The following AVEN variants were observed in gnomAD, a reference collection of about 807,000 sequenced individuals.
AVEN encodes the protein apoptosis and caspase activation inhibitor.
Under a neutral mutation model 38.1 loss-of-function variants are expected in AVEN, and 41 were observed. The observed-to-expected ratio is 1.08, with a 90% CI of 0.84 to 1.40. The LOEUF is 1.40. Ranked by LOEUF, AVEN falls within the 40% of genes most tolerant of loss-of-function variation. The pLI, the probability that AVEN is intolerant of heterozygous loss-of-function variation, is 0.00. For missense variants in AVEN, 605 were observed against 438.8 expected, an observed-to-expected ratio of 1.38 and a Z score of -3.38; for synonymous variants, 206 against 171.8, an observed-to-expected ratio of 1.20 and a Z score of -1.56.
intron 2 of AVEN, among the ~76,000 whole-genome samples, chr15:33,896,210 T>G (rs1187304204): frequency 6.6e-6 from 1 of 152,162 alleles, no homozygotes; most frequent in East Asian, 1.9e-4. Flanking sequence ...CATCAAAAAT[T>G]ACATGGCATG....
chr15:33,973,747 T>A (rs958752064), intron 2 of AVEN, among the ~76,000 whole-genome samples: 16 of 152,000 alleles, frequency 1.1e-4, no homozygotes, highest in African/African-American at 3.9e-4. Context: ...GAAATTGCAT[T>A]TTTCATGGTT....
chr15:33,942,754 GT>G (rs1567426111), intron 2 of AVEN, among the ~76,000 whole-genome samples: 1 of 151,956 alleles, frequency 6.6e-6, no homozygotes, highest in Admixed American at 6.6e-5. Context: ...CCCAGCCAAA[GT>G]TTTTTTATCT....
At chr15:33,993,761 G>T (rs1436901465) in intron 2 of AVEN, among the ~76,000 whole-genome samples, 1 of 152,118 alleles carries the variant, frequency 6.6e-6, no homozygotes, top group East Asian at 1.9e-4. Flanking sequence ...CACTAGAGGT[G>T]ACCGCAATCA....
intron 2 of AVEN, among the ~76,000 whole-genome samples, chr15:33,914,669 C>T (rs530793345): frequency 1.9e-4 from 29 of 150,814 alleles, no homozygotes; most frequent in African/African-American, 7.1e-4. Flanking sequence ...AGGTTCTCAT[C>T]ATGAAAGGGA....
At chr15:33,862,391 G>C (rs770221656), downstream of AVEN, among the ~76,000 whole-genome samples, 23 of 150,312 alleles carry the variant, frequency 1.5e-4, no homozygotes, top group Non-Finnish European at 3.3e-4. Flanking sequence ...TTTTTTGGTA[G>C]AGAAGGGGCT....
chr15:34,028,279 A>C (rs1450164575), intron 1 of AVEN, among the ~76,000 whole-genome samples: 1 of 152,224 alleles, frequency 6.6e-6, no homozygotes, highest in African/African-American at 2.4e-5. Flanking sequence ...CTGTAACAAG[A>C]GAAGGCCAGG....
intron 2 of AVEN, among the ~76,000 whole-genome samples, chr15:33,897,912 G>A (rs192780018): frequency 1.5e-4 from 23 of 150,608 alleles, no homozygotes; most frequent in African/African-American, 4.4e-4. Flanking sequence ...TGAATGGGCC[G>A]GGCGTGGTAG....
At chr15:34,005,596 A>G (rs1459627020) in intron 1 of AVEN, among the ~76,000 whole-genome samples, 6 of 152,218 alleles carry the variant, frequency 3.9e-5, no homozygotes, top group Admixed American at 6.5e-5. Flanking sequence ...AATAACTAAG[A>G]TGGACCACAG....
intron 2 of AVEN, among the ~76,000 whole-genome samples, chr15:33,983,341 G>A (rs1400019099): frequency 6.6e-6 from 1 of 151,644 alleles, no homozygotes; most frequent in Non-Finnish European, 1.5e-5. Context: ...AATTATTGAT[G>A]TTTCACCTTG....
At chr15:33,980,417 T>C (rs1036825219) in intron 2 of AVEN, among the ~76,000 whole-genome samples, 3 of 152,224 alleles carry the variant, frequency 2.0e-5, no homozygotes, top group African/African-American at 2.4e-5. Flanking sequence ...AAGGCTGTTA[T>C]AGTACCGTCC....
intron 2 of AVEN, among the ~76,000 whole-genome samples, chr15:33,968,355 G>A (rs575559255): frequency 3.9e-5 from 6 of 152,108 alleles, no homozygotes; most frequent in African/African-American, 1.4e-4. Context: ...CTATCAAAAC[G>A]AATATCATCA....
chr15:34,004,152 C>T (rs1897241926), intron 1 of AVEN, among the ~76,000 whole-genome samples: 1 of 152,172 alleles, frequency 6.6e-6, no homozygotes, highest in Admixed American at 6.5e-5. Context: ...AAAAAGCTAG[C>T]ACAAAATCTT....
intron 2 of AVEN, among the ~76,000 whole-genome samples, chr15:33,962,869 G>A (rs1411790716): frequency 2.7e-5 from 4 of 146,722 alleles, no homozygotes; most frequent in East Asian, 4.0e-4. Context: ...GCAGTGAGCC[G>A]AGATCGCGCC....
intron 4 of AVEN, chr15:34,064,547 A>G (rs1900460886): frequency 1.7e-6 from 1 of 573,980 alleles, no homozygotes; most frequent in Admixed American, 3.4e-5. Flanking sequence ...ATGCCAGGGG[A>G]GTTTGCCAAT....
chr15:33,866,638 T>C lies in AVEN; in HGVS notation c.1064A>G (p.Asp355Gly). Reference sequence around the variant, plus strand: ...TTAGGAAATCATGCTGTCCAACCAGTCTTCCAGCTCTTCCTCGGTAACATT... The same window carrying C: ...TTAGGAAATCATGCTGTCCAACCAGCCTTCCAGCTCTTCCTCGGTAACATT... ...SKNVTEEELE[D>G]WLDSMIS The change falls in exon 6 of 6, where the codon GAC becomes GGC. Residue 355 changes from aspartate to glycine, a missense_variant. Coordinates refer to ENST00000306730, the MANE Select transcript of AVEN (RefSeq NM_020371.3). The C allele has an allele frequency of 6.2e-7, 1 of 1,613,924 alleles. No individual in the cohort carries two copies. The highest frequency in any genetic ancestry group is 1.1e-5 in the South Asian group (1 of 91,060).
downstream of AVEN, chr15:33,864,116 T>TA: frequency 6.3e-7 from 1 of 1,590,052 alleles, no homozygotes; most frequent in South Asian, 1.1e-5. Flanking sequence ...GAGTATCTAA[T>TA]ACTATCTTTT....
chr15:33,962,405 ACT>A (rs1895224396), intron 2 of AVEN, among the ~76,000 whole-genome samples: 2 of 152,032 alleles, frequency 1.3e-5, no homozygotes, highest in South Asian at 4.2e-4. Flanking sequence ...AGCCACAGTT[ACT>A]CAAGCCAGAG....
At chr15:33,946,597 C>T (rs1423521025) in intron 2 of AVEN, among the ~76,000 whole-genome samples, 1 of 152,066 alleles carries the variant, frequency 6.6e-6, no homozygotes, top group Admixed American at 6.6e-5. Context: ...GTCATGACTG[C>T]TATGGCGCAA....
At chr15:34,062,138 G>A (rs931117831) in intron 5 of AVEN, among the ~76,000 whole-genome samples, 8 of 152,094 alleles carry the variant, frequency 5.3e-5, no homozygotes, top group African/African-American at 1.9e-4. Context: ...CATAAGAAGG[G>A]CACTCAGCCA....
Sources: allele counts gnomAD v4.1 joint callset (sites outside exome capture counted in the v4.1 genomes callset), GRCh38; gene constraint gnomAD v4.1.1; transcripts MANE v1.5; gene names NCBI Gene and HGNC (gene_info 2026-07-23, HGNC 2026-07-21).